Variants in PLVAP observed in about 807,000 individuals in gnomAD.
PLVAP encodes plasmalemma vesicle-associated protein.
In PLVAP, 34 loss-of-function variants were observed where a neutral mutation model predicts 43.1. The ratio of observed to expected loss-of-function variants is 0.79; its 90% CI spans 0.60 to 1.05. PLVAP has a LOEUF of 1.05. Among genes scored for constraint, PLVAP ranks in the 50% least tolerant of loss-of-function variants. The pLI is 0.00. For synonymous variants in PLVAP, 241 were observed against 237.3 expected (o/e 1.02, Z -0.14); for missense variants, 574 against 593.4 (o/e 0.97, Z 0.34).
In PLVAP at chr19:17,365,155, G is replaced by C. The variant is rs1002680374; in HGVS notation, c.1179+131C>G. ...ATCCTGATCCTAATGCCTGATCCTA[G>C]AGAGTTGTAACTCACCCAACCTAGA... On this transcript the variant is annotated intron_variant, in intron 3 of 5. Coordinates refer to ENST00000252590, the MANE Select transcript of PLVAP (RefSeq NM_031310.3). 7 of 740,066 alleles carry C rather than the reference G, an allele frequency of 9.5e-6. No individual in the cohort carries two copies. In the African/African-American group the frequency reaches 1.1e-4, roughly 11 times the overall value. 45.8% of individuals were successfully genotyped at this position (740,066 alleles called of 1,614,324 possible). A position where few individuals can be genotyped will look rare whatever the true frequency, so the allele number is the denominator to read the frequency against.
chr19:17,354,069 C>A (rs560628859), intron 5 of PLVAP, among the ~76,000 whole-genome samples: 1 of 152,188 alleles, frequency 6.6e-6, no homozygotes, highest in Middle Eastern at 3.4e-3. Context: ...GTGGAGGGAT[C>A]ATTTGAGGCT....
intron 3 of PLVAP, chr19:17,362,633 A>G (rs1299831466): frequency 6.6e-6 from 1 of 152,206 alleles, no homozygotes; most frequent in Non-Finnish European, 1.5e-5. Context: ...AGAGCCTCCA[A>G]TCCAGCTTCA....
chr19:17,377,056 G>A lies in PLVAP; in HGVS notation c.233C>T (p.Thr78Met), dbSNP rs757659466. Residue 78 changes from threonine to methionine, a missense_variant, in exon 1 of 6, where the codon ACG becomes ATG. Thr to Met is a moderately conservative substitution (Grantham distance 81). Coordinates refer to ENST00000252590, the MANE Select transcript of PLVAP (RefSeq NM_031310.3). ...CTTGGTCAAGTTGGACTGGGAGGCC[G>A]TGAGCCCTAGGAGCTGACTGTATAG... ...EGLYSQLLGL[T>M]ASQSNLTKEL... 21 of 1,614,024 alleles carry A rather than the reference G, an allele frequency of 1.3e-5. No individual in the cohort carries two copies. The highest frequency in any genetic ancestry group is 1.2e-4 in the Admixed American group (7 of 59,988).
chr19:17,363,070 G>A (rs1422280745), intron 3 of PLVAP, among the ~76,000 whole-genome samples: 1 of 152,102 alleles, frequency 6.6e-6, no homozygotes, highest in Non-Finnish European at 1.5e-5. Flanking sequence ...TTCATTTTTC[G>A]TTTTTAGAAT....
chr19:17,353,337 C>G (rs1349088914), intron 5 of PLVAP, among the ~76,000 whole-genome samples: 2 of 152,096 alleles, frequency 1.3e-5, no homozygotes, highest in Non-Finnish European at 2.9e-5. Flanking sequence ...CTGTCCTGGT[C>G]CCCAGCTCTT....
At chr19:17,375,617 C>T (rs2074591716) in intron 1 of PLVAP, among the ~76,000 whole-genome samples, 1 of 151,920 alleles carries the variant, frequency 6.6e-6, no homozygotes, top group African/African-American at 2.4e-5. Flanking sequence ...CACGGTGGCT[C>T]ATGCCTGTAA....
At chr19:17,354,543 G>C (rs1467017431) in intron 5 of PLVAP, among the ~76,000 whole-genome samples, 1 of 149,216 alleles carries the variant, frequency 6.7e-6, no homozygotes, top group Non-Finnish European at 1.5e-5. Context: ...GTTACAGTGA[G>C]CCGAGATGGC....
intron 1 of PLVAP, among the ~76,000 whole-genome samples, chr19:17,369,487 T>C (rs1404709155): frequency 6.8e-6 from 1 of 146,228 alleles, no homozygotes; most frequent in Non-Finnish European, 1.5e-5. Flanking sequence ...ATACAAAAAT[T>C]AGCCAGGCAT....
At position 17,352,312 on chromosome 19, in the gene PLVAP, C is replaced by G. The variant is rs1412801286; in HGVS notation, c.*50G>C. ...GCTGTGAGCATATCCCTGCATCCTCCGCAAACCGCCGAGTCGGGCCATCCC... is the reference window on the plus strand; with the variant it reads ...GCTGTGAGCATATCCCTGCATCCTCGGCAAACCGCCGAGTCGGGCCATCCC... On this transcript the variant is annotated 3_prime_UTR_variant, in exon 6 of 6. Coordinates refer to ENST00000252590, the MANE Select transcript of PLVAP (RefSeq NM_031310.3). 1 of 1,611,236 alleles carries G rather than the reference C, an allele frequency of 6.2e-7. No individual in the cohort carries two copies. The highest frequency in any genetic ancestry group is 8.5e-7 in the Non-Finnish European group (1 of 1,178,002).
rs933246099 is a variant in PLVAP, at chr19:17,352,131, T to C, written c.*231A>G. ...ACGGTGATATGTGACGTCAGCGCCG[T>C]TGCTTGCGTGACGTCATCTCCGCGG... On this transcript the variant is annotated 3_prime_UTR_variant, in exon 6 of 6. Coordinates refer to ENST00000252590, the MANE Select transcript of PLVAP (RefSeq NM_031310.3). The C allele has an allele frequency of 1.5e-5, 9 of 586,452 alleles. No homozygotes were observed. The African/African-American group carries it at 1.7e-4, about 11-fold the overall frequency. The allele number at this position is 586,452 out of a possible 1,614,324, so 36.3% of individuals were successfully genotyped here.
chr19:17,369,048 A>C (rs2074561410), intron 1 of PLVAP, among the ~76,000 whole-genome samples: 1 of 152,236 alleles, frequency 6.6e-6, no homozygotes, highest in African/African-American at 2.4e-5. Context: ...GAAGGAACCA[A>C]CCCCGCTAAC....
chr19:17,365,826 C>G lies in PLVAP; in HGVS notation c.639G>C (p.Leu213=). The G allele has an allele frequency of 1.2e-6, 2 of 1,614,186 alleles. No homozygotes were observed. Among genetic ancestry groups the G allele is most frequent in the Non-Finnish European group, 1.7e-6 (2 of 1,180,042 alleles). The change falls in exon 3 of 6, where the codon CTG becomes CTC. Residue 213 remains leucine, a synonymous_variant. Transcript: ENST00000252590. ...TRELQHQERQ[L]AKEQLQKVQA... ...GCACCTTTTGCAGTTGCTCCTTGGCCAGCTGGCGCTCTTGGTGCTGCAGCT... is the reference window on the plus strand; with the variant it reads ...GCACCTTTTGCAGTTGCTCCTTGGCGAGCTGGCGCTCTTGGTGCTGCAGCT...
rs377063729 is a variant in PLVAP at position 17,377,092 on chromosome 19, C to T, written c.197G>A (p.Arg66Gln). ...GAGCTGACTGTATAGGCCCTCGGCT[C>T]GGCGCTCGGTGGCCTGCAGGTTGGA... The part of the protein sequence containing the change: ...TESNLQATER[R>Q]AEGLYSQLLG... Residue 66 changes from arginine to glutamine, a missense_variant, in exon 1 of 6, where the codon CGA (arginine) becomes CAA (glutamine). Physicochemically the swap from Arg to Gln is conservative, Grantham distance 43. Coordinates refer to ENST00000252590, the MANE Select transcript of PLVAP (RefSeq NM_031310.3). The T allele has an allele frequency of 5.6e-6, 9 of 1,614,018 alleles. No individual in the cohort carries two copies. The highest frequency in any genetic ancestry group is 5.5e-5 in the South Asian group (5 of 91,074).
chr19:17,372,991 A>G (rs1410574671), intron 1 of PLVAP, among the ~76,000 whole-genome samples: 2 of 140,220 alleles, frequency 1.4e-5, no homozygotes, highest in Non-Finnish European at 3.0e-5. Context: ...GCTTGAACCC[A>G]GGAGGCAGAG....
intron 1 of PLVAP, among the ~76,000 whole-genome samples, chr19:17,373,847 T>G (rs1480098636): frequency 6.6e-6 from 1 of 152,048 alleles, no homozygotes; most frequent in Non-Finnish European, 1.5e-5. Context: ...ATGCCTTCAC[T>G]TTCCTGCCTG....
intron 3 of PLVAP, among the ~76,000 whole-genome samples, chr19:17,364,764 CTTTTTTTTT>C (rs71162109): frequency 3.4e-5 from 3 of 87,356 alleles, no homozygotes; most frequent in Non-Finnish European, 6.3e-5. Context: ...TAATTCCAGT[CTTTTTTTTT>C]TTTTTTTTTT....
intron 1 of PLVAP, among the ~76,000 whole-genome samples, chr19:17,369,577 G>C (rs2145725073): frequency 6.8e-6 from 1 of 148,042 alleles, no homozygotes; most frequent in Middle Eastern, 3.4e-3. Flanking sequence ...GGAGGTTGCA[G>C]TGAGATGAGA....
chr19:17,370,214 G>C (rs931302873), intron 1 of PLVAP, among the ~76,000 whole-genome samples: 1 of 152,050 alleles, frequency 6.6e-6, no homozygotes, highest in Non-Finnish European at 1.5e-5. Flanking sequence ...GTACAATGTT[G>C]CAACGGCTTT....
At chr19:17,372,509 T>G (rs2074576276) in intron 1 of PLVAP, among the ~76,000 whole-genome samples, 1 of 149,952 alleles carries the variant, frequency 6.7e-6, no homozygotes, top group Non-Finnish European at 1.5e-5. Flanking sequence ...CAGGCTGGAG[T>G]GCAGTGGCGC....
Sources: gnomAD v4.1 joint callset for allele counts (sites outside exome capture counted in the v4.1 genomes callset) on GRCh38, gnomAD v4.1.1 for gene constraint, MANE v1.5 for transcripts, NCBI Gene and HGNC (gene_info 2026-07-23, HGNC 2026-07-21) for gene names.